GPR137C: variants seen among roughly 807,000 people sequenced by gnomAD.
GPR137C encodes the protein integral membrane protein GPR137C.
In GPR137C, 27 loss-of-function variants were observed where a neutral mutation model predicts 43.4. That is an observed-to-expected ratio of 0.62 (90% CI 0.46 to 0.86). The LOEUF (loss-of-function observed/expected upper bound fraction) is 0.86. Among genes scored for constraint, GPR137C ranks in the 40% least tolerant of loss-of-function variants. GPR137C has a pLI of 0.00. For missense variants in GPR137C, 522 were observed against 534.6 expected (o/e 0.98, Z 0.23); for synonymous variants, 285 against 226.9 (o/e 1.26, Z -2.30).
chr14:52,596,424 C>T (rs762295982), intron 1 of GPR137C, among the ~76,000 whole-genome samples: 1 of 152,236 alleles, frequency 6.6e-6, no homozygotes, highest in African/African-American at 2.4e-5. Context: ...GCCCTGCCCA[C>T]AGAGGTGGCG....
intron 3 of GPR137C, among the ~76,000 whole-genome samples, chr14:52,604,516 G>A (rs1355017786): frequency 6.6e-6 from 1 of 151,624 alleles, no homozygotes. Flanking sequence ...TGTGATCCTG[G>A]CTCACTACAA....
intron 1 of GPR137C, among the ~76,000 whole-genome samples, chr14:52,591,973 CTT>C (rs2038790168): frequency 6.6e-6 from 1 of 152,118 alleles, no homozygotes; most frequent in Admixed American, 6.6e-5. Flanking sequence ...ACATTTAAGT[CTT>C]TAATACGCCT....
At chr14:52,566,684 A>G (rs1260151650) in intron 1 of GPR137C, among the ~76,000 whole-genome samples, 4 of 152,220 alleles carry the variant, frequency 2.6e-5, no homozygotes. Context: ...ATTACCTGCT[A>G]GGAGCATTAT....
intron 3 of GPR137C, among the ~76,000 whole-genome samples, chr14:52,616,914 C>T (rs2039106308): frequency 6.6e-6 from 1 of 152,130 alleles, no homozygotes; most frequent in African/African-American, 2.4e-5. Flanking sequence ...TGGCCTACAG[C>T]AACATATTTG....
chr14:52,585,347 A>C (rs1344106628), intron 1 of GPR137C, among the ~76,000 whole-genome samples: 1 of 152,078 alleles, frequency 6.6e-6, no homozygotes, highest in Non-Finnish European at 1.5e-5. Flanking sequence ...CCTAACAATT[A>C]AACTAACTCT....
At chr14:52,626,483 T>C (rs2039228983) in intron 3 of GPR137C, among the ~76,000 whole-genome samples, 1 of 150,944 alleles carries the variant, frequency 6.6e-6, no homozygotes, top group Admixed American at 6.6e-5. Flanking sequence ...CAGCTAATAG[T>C]AGAAGAAAAG....
chr14:52,583,824 C>T (rs994374708), intron 1 of GPR137C, among the ~76,000 whole-genome samples: 3 of 152,112 alleles, frequency 2.0e-5, no homozygotes, highest in Admixed American at 2.0e-4. Flanking sequence ...TTATTGATAA[C>T]CCATCTAATG....
chr14:52,571,145 C>T (rs35515320), intron 1 of GPR137C, among the ~76,000 whole-genome samples: 27,064 of 152,072 alleles, frequency 0.18, 2,762 homozygotes, highest in African/African-American at 0.28. Context: ...TCACTCAGAC[C>T]GCAGTGCAAT....
chr14:52,605,994 T>C (rs2038979779), intron 3 of GPR137C, among the ~76,000 whole-genome samples: 1 of 152,218 alleles, frequency 6.6e-6, no homozygotes, highest in Admixed American at 6.5e-5. Flanking sequence ...GATGTTGGCC[T>C]GTAGAGTTTT....
At chr14:52,619,538 TGC>T in intron 3 of GPR137C, among the ~76,000 whole-genome samples, 1 of 152,204 alleles carries the variant, frequency 6.6e-6, no homozygotes, top group Non-Finnish European at 1.5e-5. Context: ...CCTATTCTGT[TGC>T]TGAGCTGACC....
intron 1 of GPR137C, among the ~76,000 whole-genome samples, chr14:52,571,075 C>A (rs1459835359): frequency 6.6e-6 from 1 of 152,132 alleles, no homozygotes; most frequent in Non-Finnish European, 1.5e-5. Flanking sequence ...CTAAAATTGA[C>A]CACGTAATTG....
At chr14:52,631,522 C>G (rs545639708) in intron 3 of GPR137C, among the ~76,000 whole-genome samples, 10 of 152,230 alleles carry the variant, frequency 6.6e-5, no homozygotes, top group Non-Finnish European at 1.5e-5. Flanking sequence ...CAAGAGGTGA[C>G]TACCACACCC....
intron 3 of GPR137C, chr14:52,612,630 T>C (rs2039050373): frequency 4.2e-6 from 2 of 480,082 alleles, no homozygotes; most frequent in Admixed American, 6.4e-5. Context: ...GGCGCAATTA[T>C]AGCTTACTGT....
At chr14:52,575,646 ATT>A (rs1435612526) in intron 1 of GPR137C, among the ~76,000 whole-genome samples, 1 of 152,170 alleles carries the variant, frequency 6.6e-6, no homozygotes, top group Non-Finnish European at 1.5e-5. Flanking sequence ...ACCTTAGAAG[ATT>A]TATGAATTGG....
chr14:52,572,556 G>A (rs1331459733), intron 1 of GPR137C, among the ~76,000 whole-genome samples: 1 of 152,094 alleles, frequency 6.6e-6, no homozygotes, highest in Non-Finnish European at 1.5e-5. Context: ...ACCCCTTCAA[G>A]CTAAAGATTC....
At chr14:52,595,270 C>A (rs1050407792) in intron 1 of GPR137C, among the ~76,000 whole-genome samples, 1 of 152,108 alleles carries the variant, frequency 6.6e-6, no homozygotes, top group Non-Finnish European at 1.5e-5. Context: ...TCATTTCAAC[C>A]TTGGTGAATC....
In GPR137C at chr14:52,636,684, G is replaced by C. The variant is rs1024153899; in HGVS notation, c.*1569G>C. Reference sequence around the variant, plus strand: ...ATTGTTAATGCTTTCGATCTTTTGGGAGGCCAGTACACAGACAAATAAATT... The same window carrying C: ...ATTGTTAATGCTTTCGATCTTTTGGCAGGCCAGTACACAGACAAATAAATT... On this transcript the variant is annotated 3_prime_UTR_variant, in exon 7 of 7. Coordinates refer to ENST00000321662, the MANE Select transcript of GPR137C (RefSeq NM_001099652.2). 1 of 152,068 alleles carries C rather than the reference G, an allele frequency of 6.6e-6. No homozygotes were observed. Among genetic ancestry groups the C allele is most frequent in the Non-Finnish European group, 1.5e-5 (1 of 67,966 alleles). The allele number at this position is 152,068 out of a possible 1,614,324, so 9.4% of individuals were successfully genotyped here.
At chr14:52,571,726 C>T (rs1291828343) in intron 1 of GPR137C, among the ~76,000 whole-genome samples, 1 of 151,944 alleles carries the variant, frequency 6.6e-6, no homozygotes, top group African/African-American at 2.4e-5. Flanking sequence ...CAAAAGCTAG[C>T]AGAAGACAAG....
intron 3 of GPR137C, among the ~76,000 whole-genome samples, chr14:52,627,758 C>A (rs577776153): frequency 6.6e-6 from 1 of 152,152 alleles, no homozygotes; most frequent in East Asian, 1.9e-4. Context: ...GCAGGAGAAT[C>A]GCTTGAACCT....
Sources: allele counts gnomAD v4.1 joint callset (sites outside exome capture counted in the v4.1 genomes callset), GRCh38; gene constraint gnomAD v4.1.1; transcripts MANE v1.5; gene names NCBI Gene and HGNC (gene_info 2026-07-23, HGNC 2026-07-21).